ZAN: variants seen among roughly 807,000 people sequenced by gnomAD.
ZAN encodes the protein zonadhesin (gene/pseudogene).
Under a neutral mutation model 286.2 loss-of-function variants are expected in ZAN, and 260 were observed. The ratio of observed to expected loss-of-function variants is 0.91; its 90% CI spans 0.82 to 1.01. The LOEUF (loss-of-function observed/expected upper bound fraction) is 1.01. ZAN is among the 50% of genes least tolerant of loss of function. The pLI, the probability that ZAN is intolerant of heterozygous loss-of-function variation, is 0.00. For synonymous variants in ZAN, 1,368 were observed against 1,417.5 expected, an observed-to-expected ratio of 0.97 and a Z score of 0.79; for missense variants, 3,410 against 3,639.2, an observed-to-expected ratio of 0.94 and a Z score of 1.62.
chr7:100,791,336 A>G (rs754836892), intron 40 of ZAN, among the ~76,000 whole-genome samples: 4 of 151,774 alleles, frequency 2.6e-5, no homozygotes, highest in Non-Finnish European at 4.4e-5. Context: ...CTGCCTTCCC[A>G]GTTATTTTTC....
At chr7:100,743,301 C>T (rs1352888695) in intron 7 of ZAN, among the ~76,000 whole-genome samples, 1 of 152,062 alleles carries the variant, frequency 6.6e-6, no homozygotes, top group Non-Finnish European at 1.5e-5. Context: ...GGATTACAAG[C>T]GTAAGCCACC....
In ZAN at chr7:100,773,442, C is replaced by A; in HGVS notation, c.5583C>A (p.Cys1861Ter). 1 of 1,613,966 alleles carries A rather than the reference C, an allele frequency of 6.2e-7. No homozygotes were observed. The highest frequency in any genetic ancestry group is 1.3e-5 in the African/African-American group (1 of 75,054). Residue 1861 changes from cysteine (C) to a stop codon, truncating the protein, a stop_gained, in exon 30 of 48, where the codon TGC becomes TGA. Coordinates refer to ENST00000613979, the MANE Select transcript of ZAN (RefSeq NM_003386.3). LOFTEE classifies it high-confidence loss of function. The part of the protein sequence containing the change: ...QKGHILSGTS[C>*]VPLGQCGCTD... ...GCCACATCTTGAGTGGAACCTCCTGCGTGCCCCTTGGCCAGTGTGGCTGCA... is the reference window on the plus strand; with the variant it reads ...GCCACATCTTGAGTGGAACCTCCTGAGTGCCCCTTGGCCAGTGTGGCTGCA...
chr7:100,771,800 TC>T, intron 28 of ZAN, 43 bp from the exon 29 acceptor site: 1 of 1,580,988 alleles, frequency 6.3e-7, no homozygotes, highest in South Asian at 1.1e-5. Context: ...CCCTGTTCCT[TC>T]CCGGCCCCTC....
rs545304014 is a variant in ZAN, at chr7:100,763,987, C to G, written c.4098-40C>G. ...CCTGGGCTCCTCCAAGGCTCTACCC[C>G]CTTCCACTGCATTCCCCCTGACTTG... is the stretch of plus-strand genomic sequence containing the variant. On this transcript the variant is annotated intron_variant, in intron 21 of 47. Coordinates refer to ENST00000613979, the MANE Select transcript of ZAN (RefSeq NM_003386.3). The surrounding 1 kb of genome is among the most constrained non-coding windows in gnomAD (Gnocchi z 4.6). 6.6e-5 allele frequency: 107 copies of G among 1,613,820 alleles called. No individual in the cohort carries two copies. In the East Asian group the frequency reaches 1.7e-3, roughly 26 times the overall value.
chr7:100,756,414 G>A (rs1327768873), intron 15 of ZAN, among the ~76,000 whole-genome samples: 1 of 144,116 alleles, frequency 6.9e-6, no homozygotes. Flanking sequence ...GGGCGACAGA[G>A]TGACACCCTG....
rs2115806580 is a variant in ZAN, at chr7:100,750,904, A to G, written c.1521+8A>G. The G allele has an allele frequency of 6.5e-7, 1 of 1,533,498 alleles. No individual in the cohort carries two copies. Among genetic ancestry groups the G allele is most frequent in the Non-Finnish European group, 8.8e-7 (1 of 1,138,994 alleles). The allele number at this position is 1,533,498 out of a possible 1,614,324, so 95.0% of individuals were successfully genotyped here. ...CACCAACAGCCCATGCAGGTGAGAGACGGAGGCGGGGGTCCTGTCTGTGTG... is the reference window on the plus strand; with the variant it reads ...CACCAACAGCCCATGCAGGTGAGAGGCGGAGGCGGGGGTCCTGTCTGTGTG... On this transcript the variant is annotated splice_region_variant and intron_variant, in intron 12 of 47. Transcript: ENST00000613979.
At position 100,756,079 on chromosome 7, in the gene ZAN, G is replaced by C. The variant is rs568799135; in HGVS notation, c.3309+669G>C. ...AATTTTTGTATTTTTAGTAGAGATAGGGTTTCACCATATATTCTTTACGTC... is the reference window on the plus strand; with the variant it reads ...AATTTTTGTATTTTTAGTAGAGATACGGTTTCACCATATATTCTTTACGTC... On this transcript the variant is annotated intron_variant, in intron 15 of 47. Transcript: ENST00000613979. Among the ~76,000 whole-genome samples the C allele has an allele frequency of 2.6e-5, 4 of 152,124 alleles. No homozygotes were observed. The South Asian group carries it at 8.3e-4, about 32-fold the overall frequency.
At chr7:100,754,422 G>T (rs1042973156) in intron 14 of ZAN, among the ~76,000 whole-genome samples, 1 of 151,738 alleles carries the variant, frequency 6.6e-6, no homozygotes, top group African/African-American at 2.4e-5. Flanking sequence ...TCATGCCACC[G>T]CACTCCAGCC....
intron 29 of ZAN, 91 bp downstream of exon 29, chr7:100,772,111 T>G (rs1455736775): frequency 4.5e-5 from 59 of 1,316,646 alleles, no homozygotes; most frequent in Non-Finnish European, 5.8e-5. Flanking sequence ...TTTTTTTTTT[T>G]GAGACGGAGT....
intron 31 of ZAN, among the ~76,000 whole-genome samples, chr7:100,774,996 C>T (rs1489727818): frequency 3.3e-5 from 5 of 152,102 alleles, no homozygotes; most frequent in Non-Finnish European, 5.9e-5. Context: ...GGTGCAATCT[C>T]GGCTCACTGC....
intron 34 of ZAN, among the ~76,000 whole-genome samples, chr7:100,778,269 T>C (rs1432035611): frequency 6.6e-6 from 1 of 152,172 alleles, no homozygotes; most frequent in Non-Finnish European, 1.5e-5. Flanking sequence ...ATTGCATCAC[T>C]GCACTCCAGC....
intron 33 of ZAN, 43 bp from the exon 34 acceptor site, chr7:100,776,397 T>C (rs1171087336): frequency 2.5e-6 from 4 of 1,575,308 alleles, no homozygotes. Flanking sequence ...GAAAAACTGT[T>C]CTCGTGCTTC....
Position 100,765,344 on chromosome 7 carries a change from T to C in ZAN, c.4268-8T>C, listed in dbSNP as rs1438572710. 6.2e-7 allele frequency: 1 copy of C among 1,613,374 alleles called. No individual in the cohort carries two copies. Among genetic ancestry groups the C allele is most frequent in the Admixed American group, 1.7e-5 (1 of 59,896 alleles). On this transcript the variant is annotated splice_polypyrimidine_tract_variant and splice_region_variant and intron_variant, in intron 22 of 47. Coordinates refer to ENST00000613979, the MANE Select transcript of ZAN (RefSeq NM_003386.3). ...TCTCCTTCTCACCCAAGCTTCTCCCTCCACCAGCAATGGCCTGCCCGCCCA... is the reference window on the plus strand; with the variant it reads ...TCTCCTTCTCACCCAAGCTTCTCCCCCCACCAGCAATGGCCTGCCCGCCCA...
intron 33 of ZAN, among the ~76,000 whole-genome samples, chr7:100,776,124 G>T (rs993812469): frequency 6.6e-6 from 1 of 151,942 alleles, no homozygotes; most frequent in Non-Finnish European, 1.5e-5. Flanking sequence ...GACCAGCCTG[G>T]CCAACATGGT....
chr7:100,787,570 G>GT (rs869283854), intron 37 of ZAN, among the ~76,000 whole-genome samples: 1 of 147,704 alleles, frequency 6.8e-6, no homozygotes, highest in Non-Finnish European at 1.5e-5. Context: ...TTTGTTTTTT[G>GT]TTTTTTTGAG....
chr7:100,766,511 G>A lies in ZAN; in HGVS notation c.4471-14G>A. ...AAAAAACACTTTCTCTTCCTTCCCT[G>A]CTGTCTTCCCCAGGTAGGGGAGCGG... On this transcript the variant is annotated splice_polypyrimidine_tract_variant and intron_variant, in intron 23 of 47. Transcript: ENST00000613979. 1.3e-6 allele frequency: 2 copies of A among 1,545,372 alleles called. No individual in the cohort carries two copies. Among genetic ancestry groups the A allele is most frequent in the Non-Finnish European group, 1.7e-6 (2 of 1,142,924 alleles).
chr7:100,758,585 G>T lies in ZAN; in HGVS notation c.3506G>T (p.Gly1169Val). The change falls in exon 17 of 48, where the codon GGG (glycine) becomes GTG (valine). Residue 1169 changes from glycine (G) to valine (V), a missense_variant. Coordinates refer to ENST00000613979, the MANE Select transcript of ZAN (RefSeq NM_003386.3). ...GACCCTCATTATGTCACCTTTGACG[G>T]GAGGCACTTTGGCTTCATGGGCAAG... The part of the protein sequence containing the change: ...YGDPHYVTFD[G>V]RHFGFMGKCT... The T allele has an allele frequency of 6.4e-7, 1 of 1,567,058 alleles. No individual in the cohort carries two copies.
chr7:100,792,555 G>A, intron 42 of ZAN, 76 bp downstream of exon 42: 1 of 1,597,482 alleles, frequency 6.3e-7, no homozygotes, highest in Non-Finnish European at 8.5e-7. Flanking sequence ...GTGAGGTGTT[G>A]CCCCTCCCTG....
intron 38 of ZAN, among the ~76,000 whole-genome samples, chr7:100,788,376 C>A (rs148616591): frequency 6.6e-6 from 1 of 151,636 alleles, no homozygotes; most frequent in Non-Finnish European, 1.5e-5. Flanking sequence ...CATAGCAAGA[C>A]GCAACATCTC....
Sources: gnomAD v4.1 joint callset for allele counts (sites outside exome capture counted in the v4.1 genomes callset) on GRCh38, gnomAD v4.1.1 for gene constraint, Gnocchi (gnomAD v3.1) non-coding constraint, MANE v1.5 for transcripts, NCBI Gene and HGNC (gene_info 2026-07-23, HGNC 2026-07-21) for gene names.